The following PVT1 variants were observed in gnomAD, a reference collection of about 807,000 sequenced individuals.
PVT1 encodes CXCR4/PVT1 fusion.
chr8:127,807,773 CT>C (rs1280585386), intron 2 of PVT1, among the ~76,000 whole-genome samples: 40 of 147,406 alleles, frequency 2.7e-4, no homozygotes, highest in Admixed American at 2.7e-4. Context: ...TTCTTTTTTT[CT>C]TTTTTTTTTT....
intron 3 of PVT1, chr8:127,939,786 C>G (rs940500021): frequency 6.6e-6 from 1 of 152,216 alleles, no homozygotes; most frequent in African/African-American, 2.4e-5. Context: ...CTTTCCATAT[C>G]TTTAGAGGCC....
At chr8:127,921,984 C>G (rs1401361316) in intron 3 of PVT1, among the ~76,000 whole-genome samples, 1 of 149,744 alleles carries the variant, frequency 6.7e-6, no homozygotes, top group Admixed American at 6.7e-5. Context: ...CCTCTGCCTC[C>G]CGAGTAGCTA....
chr8:127,985,574 C>T (rs1458879773), intron 3 of PVT1, among the ~76,000 whole-genome samples: 3 of 152,166 alleles, frequency 2.0e-5, no homozygotes, highest in Admixed American at 2.0e-4. Context: ...CTGCCCTGCA[C>T]CCCATGCTCG....
chr8:127,940,031 G>A (rs1430235301), intron 3 of PVT1: 2 of 152,106 alleles, frequency 1.3e-5, no homozygotes, highest in African/African-American at 2.4e-5. Flanking sequence ...GCCTAGACAC[G>A]GGGGACAACA....
chr8:127,873,614 G>T lies in PVT1; in HGVS notation n.373-16975G>T, dbSNP rs532126270. Among the ~76,000 whole-genome samples the T allele has an allele frequency of 2.6e-5, 4 of 152,268 alleles. No individual in the cohort carries two copies. In the East Asian group the frequency reaches 7.8e-4, roughly 30 times the overall value. ...AAAGAGCTGGGAGGGAGTAAAGGGA[G>T]TTGTTAATTTCTGAGAAGGAAGGTG... On this transcript the variant is annotated intron_variant and non_coding_transcript_variant, in intron 2 of 10. Transcript: ENST00000651587.
chr8:127,833,638 G>A (rs1163184555), intron 2 of PVT1, among the ~76,000 whole-genome samples: 2 of 152,086 alleles, frequency 1.3e-5, no homozygotes, highest in African/African-American at 4.8e-5. Flanking sequence ...ATCTTTAGTA[G>A]AGACAAGGTT....
chr8:127,980,028 T>C (rs953313443), intron 3 of PVT1, among the ~76,000 whole-genome samples: 1 of 152,118 alleles, frequency 6.6e-6, no homozygotes, highest in African/African-American at 2.4e-5. Context: ...TACAGGTCCA[T>C]ACCACAGCAT....
At chr8:127,826,416 A>T (rs1279495019) in intron 2 of PVT1, among the ~76,000 whole-genome samples, 2 of 152,174 alleles carry the variant, frequency 1.3e-5, no homozygotes, top group East Asian at 3.8e-4. Flanking sequence ...CGTTGAGTTC[A>T]GCCAACCTGC....
At chr8:127,801,984 C>T (rs966714108) in intron 2 of PVT1, among the ~76,000 whole-genome samples, 7 of 151,956 alleles carry the variant, frequency 4.6e-5, no homozygotes, top group Non-Finnish European at 1.0e-4. Flanking sequence ...GGCATGATCT[C>T]GGCTCATTGC....
chr8:127,931,314 C>T (rs1816203754), intron 3 of PVT1, among the ~76,000 whole-genome samples: 1 of 152,188 alleles, frequency 6.6e-6, no homozygotes, highest in Non-Finnish European at 1.5e-5. Context: ...TGATTGCCCT[C>T]ATCTCTTTTG....
At chr8:127,819,279 G>A (rs1814702031) in intron 2 of PVT1, among the ~76,000 whole-genome samples, 3 of 152,214 alleles carry the variant, frequency 2.0e-5, no homozygotes, top group Admixed American at 1.3e-4. Flanking sequence ...TCTGCAAAAT[G>A]AGGCTAGTCA....
chr8:128,010,890 G>T (rs1260812423), intron 4 of PVT1, among the ~76,000 whole-genome samples: 1 of 152,210 alleles, frequency 6.6e-6, no homozygotes, highest in African/African-American at 2.4e-5. Context: ...GTTTATTGCT[G>T]CTGTGATTTC....
intron 3 of PVT1, among the ~76,000 whole-genome samples, chr8:127,943,445 G>T (rs533182911): frequency 6.6e-6 from 1 of 152,178 alleles, no homozygotes; most frequent in Admixed American, 6.5e-5. Flanking sequence ...TGAAGAAATT[G>T]CAAAGACATA....
chr8:127,819,895 C>T (rs1814710676), intron 2 of PVT1, among the ~76,000 whole-genome samples: 1 of 152,234 alleles, frequency 6.6e-6, no homozygotes, highest in Admixed American at 6.5e-5. Flanking sequence ...GTGTCTCTTT[C>T]TTTTGCACCA....
chr8:128,009,839 CT>C (rs1443584560), intron 4 of PVT1: 2 of 152,304 alleles, frequency 1.3e-5, no homozygotes, highest in East Asian at 3.9e-4. Flanking sequence ...AAGTGTGGTA[CT>C]GGATATTTTG....
At chr8:127,961,333 A>G (rs1816639845) in intron 3 of PVT1, among the ~76,000 whole-genome samples, 1 of 152,214 alleles carries the variant, frequency 6.6e-6, no homozygotes, top group Non-Finnish European at 1.5e-5. Flanking sequence ...ACAGGGATGC[A>G]CTGGAGACCC....
chr8:128,041,269 C>T (rs1813533087), intron 4 of PVT1, among the ~76,000 whole-genome samples: 1 of 137,504 alleles, frequency 7.3e-6, no homozygotes, highest in South Asian at 2.4e-4. Flanking sequence ...CATGTGTGTG[C>T]ATCTGTGTGT....
chr8:128,015,783 AAAAAAAAG>A lies in PVT1; in HGVS notation n.912+26493_912+26500del, dbSNP rs57131383. ...CAAGACTTTGTCTCAAAAAAAAAAA[AAAAAAAAG>A]GTTTGAGAAGGGTTTTCCTGGTCAT... is the stretch of plus-strand genomic sequence containing the variant. On this transcript the variant is annotated intron_variant and non_coding_transcript_variant, in intron 4 of 10. Coordinates refer to ENST00000651587, the Ensembl canonical transcript of PVT1. Among the ~76,000 whole-genome samples the A allele has an allele frequency of 7.3e-3, 1,106 of 151,080 alleles. 24 individuals carry two copies. Among genetic ancestry groups the A allele is most frequent in the African/African-American group, 0.022 (894 of 40,914 alleles).
intron 4 of PVT1, among the ~76,000 whole-genome samples, chr8:128,027,943 C>A (rs1813333246): frequency 6.6e-6 from 1 of 152,230 alleles, no homozygotes; most frequent in Admixed American, 6.5e-5. Context: ...CCTGAGGCCC[C>A]CAGCTGGCAT....
Sources: gnomAD v4.1 joint callset for allele counts (sites outside exome capture counted in the v4.1 genomes callset) on GRCh38, gnomAD v4.1.1 for gene constraint, MANE v1.5 for transcripts, NCBI Gene and HGNC (gene_info 2026-07-23, HGNC 2026-07-21) for gene names.